Variants in ASAH1 observed in about 807,000 individuals in gnomAD.
ASAH1 encodes the protein acid ceramidase.
Under a neutral mutation model 59.5 loss-of-function variants are expected in ASAH1, and 70 were observed. That is an observed-to-expected ratio of 1.18 (90% CI 0.97 to 1.43). ASAH1 has a LOEUF of 1.43. ASAH1 is among the 40% of genes most tolerant of loss of function. ASAH1 has a pLI of 0.00. For missense variants in ASAH1, 660 were observed against 482.5 expected, an observed-to-expected ratio of 1.37 and a Z score of -3.45; for synonymous variants, 213 against 166.5, an observed-to-expected ratio of 1.28 and a Z score of -2.15.
chr8:18,070,259 C>T lies in ASAH1; in HGVS notation c.217-381G>A, dbSNP rs544013964. ...CTGCCTCCCGGGTTCAAGCGATTCT[C>T]TTGCCTCAGCCTCCCAAGTAGCTGG... On this transcript the variant is annotated intron_variant, in intron 3 of 13. Transcript: ENST00000637790. Among the ~76,000 whole-genome samples, 6 of 152,328 alleles carry T rather than the reference C, an allele frequency of 3.9e-5. No homozygotes were observed. The South Asian group carries it at 1.2e-3, about 32-fold the overall frequency.
In ASAH1 at chr8:18,062,846, C is replaced by G. The variant is rs148453062; in HGVS notation, c.503+339G>C. 1.2e-3 allele frequency: 409 copies of G among 329,132 alleles called. 3 individuals carry two copies. Among genetic ancestry groups the G allele is most frequent in the African/African-American group, 8.6e-3 (395 of 45,992 alleles). 20.4% of individuals were successfully genotyped at this position (329,132 alleles called of 1,614,324 possible). ...AATATAACACAACCTACTCTTCCTA[C>G]AGACCAAAACAGTTCTGTGTTCTTT... On this transcript the variant is annotated intron_variant, in intron 7 of 13. Transcript: ENST00000637790.
chr8:18,063,561 C>T (rs561245974), intron 6 of ASAH1: 129 of 253,044 alleles, frequency 5.1e-4, no homozygotes, highest in South Asian at 3.0e-3. Flanking sequence ...TCAGATGATT[C>T]GCCCGCCTCG....
intron 1 of ASAH1, among the ~76,000 whole-genome samples, chr8:18,083,645 A>G (rs1800756420): frequency 6.6e-6 from 1 of 152,268 alleles, no homozygotes. Flanking sequence ...GTCCACCGGA[A>G]CATTTTATTT....
intron 1 of ASAH1, among the ~76,000 whole-genome samples, chr8:18,079,456 A>C (rs1287150452): frequency 8.5e-6 from 1 of 117,488 alleles, no homozygotes; most frequent in Non-Finnish European, 2.0e-5. Flanking sequence ...AAACACAAAA[A>C]TATAAAGAGA....
chr8:18,083,792 G>A (rs1023676017), intron 1 of ASAH1, 189 bp downstream of exon 1: 1 of 1,192,778 alleles, frequency 8.4e-7, no homozygotes, highest in Non-Finnish European at 1.2e-6. Context: ...AGGTAGCACC[G>A]AATCTACCGA....
At chr8:18,084,458 G>T, upstream of ASAH1, 3 of 1,327,652 alleles carry the variant, frequency 2.3e-6, no homozygotes, top group Non-Finnish European at 3.0e-6. Context: ...CCTGTCCCGC[G>T]TACCCAGGCG....
intron 1 of ASAH1, among the ~76,000 whole-genome samples, chr8:18,080,424 C>T (rs1800604087): frequency 6.6e-6 from 1 of 152,192 alleles, no homozygotes; most frequent in Non-Finnish European, 1.5e-5. Context: ...CTGCCCCCAA[C>T]ACTGCTCCAG....
chr8:18,082,373 T>C (rs1800689331), intron 1 of ASAH1, among the ~76,000 whole-genome samples: 1 of 152,216 alleles, frequency 6.6e-6, no homozygotes, highest in Admixed American at 6.5e-5. Context: ...CAAGCCGATC[T>C]GACACTCACA....
chr8:18,065,692 A>G (rs1305131754), intron 5 of ASAH1: 1 of 152,026 alleles, frequency 6.6e-6, no homozygotes, highest in Admixed American at 6.5e-5. Context: ...AGTAACTTAA[A>G]TAAATATTGA....
At chr8:18,059,996 G>A (rs1011947319) in intron 10 of ASAH1, 6 of 344,190 alleles carry the variant, frequency 1.7e-5, no homozygotes, top group African/African-American at 1.3e-4. Flanking sequence ...TGTTCTCTTT[G>A]TTCAGCTCTC....
upstream of ASAH1, chr8:18,084,941 T>C: frequency 7.9e-7 from 1 of 1,272,864 alleles, no homozygotes. Flanking sequence ...GTCGCGCGGG[T>C]AGGTGACCGG....
rs1344031968 is a variant in ASAH1 at position 18,083,997 on chromosome 8, G to A, written c.62C>T (p.Ala21Val). The stretch of plus-strand genomic sequence containing the variant: ...CTCACTCACCGGCGGCGCGTGCTGC[G>A]CGACGGCACAGCTGACGGCGGCAGC... ...LLAAAVSCAV[A>V]QHAPPWTEDC... The change falls in exon 1 of 14, where the codon GCG becomes GTG. Residue 21 changes from alanine (A) to valine (V), a missense_variant. Physicochemically the swap from Ala to Val is moderately conservative, Grantham distance 64. Coordinates refer to ENST00000637790, the MANE Select transcript of ASAH1 (RefSeq NM_177924.5). 1.3e-6 allele frequency: 2 copies of A among 1,598,068 alleles called. No homozygotes were observed. Among genetic ancestry groups the A allele is most frequent in the Non-Finnish European group, 1.7e-6 (2 of 1,179,466 alleles).
At chr8:18,076,835 A>T (rs770815113) in intron 1 of ASAH1, among the ~76,000 whole-genome samples, 3 of 152,226 alleles carry the variant, frequency 2.0e-5, no homozygotes, top group African/African-American at 7.2e-5. Context: ...TTTTGATAAC[A>T]TGGGGAATAT....
intron 4 of ASAH1, among the ~76,000 whole-genome samples, chr8:18,069,251 G>C (rs1430205900): frequency 1.3e-5 from 2 of 151,938 alleles, no homozygotes; most frequent in African/African-American, 4.8e-5. Context: ...CAGGCCCTAG[G>C]TGTTTCATTG....
intron 3 of ASAH1, 128 bp downstream of exon 3, chr8:18,071,172 A>G: frequency 2.5e-6 from 1 of 395,864 alleles, no homozygotes; most frequent in Non-Finnish European, 3.9e-6. Context: ...GTGCCACTGC[A>G]TTCCAGCCTG....
chr8:18,075,120 A>T (rs369035737), intron 2 of ASAH1, among the ~76,000 whole-genome samples: 1 of 147,088 alleles, frequency 6.8e-6, no homozygotes, highest in African/African-American at 2.5e-5. Context: ...CTCAGCCTCC[A>T]GAGTAGCTGG....
intron 5 of ASAH1, 75 bp downstream of exon 5, chr8:18,067,145 G>GACATACAGCACCTGTGCTT: frequency 1.4e-6 from 1 of 703,870 alleles, no homozygotes; most frequent in Non-Finnish European, 2.2e-6. Context: ...TGTGCTGTAT[G>GACATACAGCACCTGTGCTT]TATATCACAC....
upstream of ASAH1, chr8:18,084,421 T>G: frequency 1.5e-6 from 2 of 1,370,392 alleles, no homozygotes; most frequent in Non-Finnish European, 1.9e-6. Context: ...GGCGCCTCGA[T>G]GGGGCGCCTC....
chr8:18,063,488 A>G (rs6994275), intron 6 of ASAH1: 5 of 315,938 alleles, frequency 1.6e-5, no homozygotes, highest in African/African-American at 3.0e-5. Flanking sequence ...TTTTTTTTGT[A>G]TTTTTCTTTT....
Sources: allele counts gnomAD v4.1 joint callset (sites outside exome capture counted in the v4.1 genomes callset), GRCh38; gene constraint gnomAD v4.1.1; transcripts MANE v1.5; gene names NCBI Gene and HGNC (gene_info 2026-07-23, HGNC 2026-07-21).